CDH12: variants seen among roughly 807,000 people sequenced by gnomAD.
CDH12 encodes cadherin 12, also known as cadherin-12.
A neutral mutation model predicts 74.1 loss-of-function variants in CDH12; 41 were observed. That is an observed-to-expected ratio of 0.55 (90% CI 0.43 to 0.72). The LOEUF is 0.72. Ranked by LOEUF, CDH12 falls within the 30% of genes least tolerant of loss-of-function variation. The pLI is 0.00. For missense variants in CDH12, 945 were observed against 977.2 expected, an observed-to-expected ratio of 0.97 and a Z score of 0.44; for synonymous variants, 399 against 355.0, an observed-to-expected ratio of 1.12 and a Z score of -1.39.
chr5:22,837,899 C>A (rs1407710654), intron 1 of CDH12, among the ~76,000 whole-genome samples: 1 of 152,118 alleles, frequency 6.6e-6, no homozygotes, highest in African/African-American at 2.4e-5. Flanking sequence ...AAGGAATAGA[C>A]CTACTGCTCT....
At chr5:22,717,136 C>A (rs146544263) in intron 1 of CDH12, among the ~76,000 whole-genome samples, 4 of 152,224 alleles carry the variant, frequency 2.6e-5, no homozygotes, top group African/African-American at 9.6e-5. Flanking sequence ...GTAGTGTCCA[C>A]GAATGTCCTA....
intron 3 of CDH12, among the ~76,000 whole-genome samples, chr5:22,308,132 G>T (rs548914426): frequency 1.3e-5 from 2 of 151,800 alleles, no homozygotes; most frequent in East Asian, 3.9e-4. Flanking sequence ...TGCCCACCTC[G>T]GCCTCCCAAA....
intron 8 of CDH12, among the ~76,000 whole-genome samples, chr5:21,829,769 T>C (rs983006051): frequency 2.0e-5 from 3 of 152,156 alleles, no homozygotes; most frequent in Non-Finnish European, 4.4e-5. Flanking sequence ...GTGTCTAAAG[T>C]TCTCCTCATA....
chr5:22,369,603 G>T (rs1408356505), intron 3 of CDH12, among the ~76,000 whole-genome samples: 1 of 152,132 alleles, frequency 6.6e-6, no homozygotes, highest in African/African-American at 2.4e-5. Context: ...CATCAATTCT[G>T]CTACACAAAG....
intron 2 of CDH12, among the ~76,000 whole-genome samples, chr5:22,413,984 C>T (rs1743274598): frequency 6.6e-6 from 1 of 151,786 alleles, no homozygotes; most frequent in African/African-American, 2.4e-5. Flanking sequence ...TTTCTTCAGG[C>T]TGATTATTAA....
At chr5:22,220,097 C>T (rs1751959762) in intron 3 of CDH12, among the ~76,000 whole-genome samples, 1 of 151,530 alleles carries the variant, frequency 6.6e-6, no homozygotes, top group Non-Finnish European at 1.5e-5. Flanking sequence ...AAAATGATAC[C>T]ATATGTTTTT....
intron 3 of CDH12, among the ~76,000 whole-genome samples, chr5:22,275,269 T>C (rs891837791): frequency 6.6e-6 from 1 of 151,920 alleles, no homozygotes; most frequent in South Asian, 2.1e-4. Flanking sequence ...GTTCTGCACA[T>C]GTATCATAAA....
At chr5:22,294,475 G>C (rs1737537940) in intron 3 of CDH12, among the ~76,000 whole-genome samples, 1 of 152,180 alleles carries the variant, frequency 6.6e-6, no homozygotes, top group Non-Finnish European at 1.5e-5. Context: ...TACAATTGAA[G>C]TATCCCTCAG....
intron 2 of CDH12, among the ~76,000 whole-genome samples, chr5:22,438,473 A>T (rs1744495764): frequency 6.6e-6 from 1 of 152,100 alleles, no homozygotes; most frequent in African/African-American, 2.4e-5. Context: ...TCAAGTTTAA[A>T]CAAGAGTTCA....
intron 3 of CDH12, among the ~76,000 whole-genome samples, chr5:22,255,435 A>G (rs1753278429): frequency 6.6e-6 from 1 of 151,844 alleles, no homozygotes; most frequent in African/African-American, 2.4e-5. Context: ...TCATATTAAA[A>G]ATACAATACT....
intron 2 of CDH12, among the ~76,000 whole-genome samples, chr5:22,475,045 G>A (rs928337391): frequency 1.3e-5 from 2 of 150,810 alleles, no homozygotes; most frequent in Admixed American, 1.3e-4. Context: ...TGGTTGACTA[G>A]AGGGGGTGTT....
At chr5:22,097,359 C>T (rs1441202350) in intron 4 of CDH12, among the ~76,000 whole-genome samples, 5 of 152,156 alleles carry the variant, frequency 3.3e-5, no homozygotes, top group South Asian at 2.1e-4. Context: ...TAGACCATCA[C>T]GGATGCTGAG....
At chr5:22,802,162 C>T (rs1254730365) in intron 1 of CDH12, among the ~76,000 whole-genome samples, 1 of 148,818 alleles carries the variant, frequency 6.7e-6, no homozygotes, top group Non-Finnish European at 1.5e-5. Flanking sequence ...CCCTCTGTCG[C>T]CCAGGCTGGA....
At position 21,926,845 on chromosome 5, in the gene CDH12, C is replaced by T. The variant is rs962047557; in HGVS notation, c.526+48246G>A. On this transcript the variant is annotated intron_variant, in intron 6 of 14. Coordinates refer to ENST00000382254, the MANE Select transcript of CDH12 (RefSeq NM_004061.5). ...AATAGAGGTGATGGTAGAATGTTCT[C>T]TCCTGGTTGCTGTTGTTTTCACTAT... 5.9e-5 allele frequency among the ~76,000 whole-genome samples: 9 copies of T among 152,202 alleles called. 1 individual carries two copies. In the South Asian group the frequency reaches 1.9e-3, roughly 32 times the overall value.
At chr5:22,254,649 C>T (rs908235009) in intron 3 of CDH12, among the ~76,000 whole-genome samples, 10 of 151,382 alleles carry the variant, frequency 6.6e-5, no homozygotes, top group Non-Finnish European at 1.2e-4. Flanking sequence ...TGCACTTGTA[C>T]GTCTGAACTT....
At chr5:21,757,088 G>T (rs1366637774) in intron 13 of CDH12, among the ~76,000 whole-genome samples, 1 of 152,154 alleles carries the variant, frequency 6.6e-6, no homozygotes, top group Non-Finnish European at 1.5e-5. Context: ...TGGTGTGTCT[G>T]CACTTGGGAG....
intron 6 of CDH12, among the ~76,000 whole-genome samples, chr5:21,875,747 C>T (rs1173507895): frequency 6.6e-6 from 1 of 152,150 alleles, no homozygotes; most frequent in African/African-American, 2.4e-5. Context: ...TAATTGAAAT[C>T]TTGCTTTCCC....
intron 4 of CDH12, among the ~76,000 whole-genome samples, chr5:22,194,990 G>A (rs1750539882): frequency 6.6e-6 from 1 of 152,180 alleles, no homozygotes; most frequent in South Asian, 2.1e-4. Context: ...AGCAATCAAG[G>A]CAGTGATCCT....
At chr5:22,472,568 C>T (rs1746006734) in intron 2 of CDH12, among the ~76,000 whole-genome samples, 1 of 152,102 alleles carries the variant, frequency 6.6e-6, no homozygotes, top group African/African-American at 2.4e-5. Context: ...TATTTCCAAA[C>T]TCTAACTCCA....
Sources: gnomAD v4.1 joint callset for allele counts (sites outside exome capture counted in the v4.1 genomes callset) on GRCh38, gnomAD v4.1.1 for gene constraint, MANE v1.5 for transcripts, NCBI Gene and HGNC (gene_info 2026-07-23, HGNC 2026-07-21) for gene names.